Variants in GLI3 observed in about 807,000 individuals in gnomAD.
The protein encoded by GLI3 is transcription activator GLI3.
In GLI3, 20 loss-of-function variants were observed where a neutral mutation model predicts 100.8. The ratio of observed to expected loss-of-function variants is 0.20; its 90% CI spans 0.14 to 0.29. The LOEUF (loss-of-function observed/expected upper bound fraction) is 0.29, where lower values mean the gene tolerates loss of function less well. Ranked by LOEUF, GLI3 falls within the 10% of genes least tolerant of loss-of-function variation. The pLI is 1.00. For synonymous variants in GLI3, 938 were observed against 860.5 expected, an observed-to-expected ratio of 1.09 and a Z score of -1.58; for missense variants, 2,040 against 2,128.5, an observed-to-expected ratio of 0.96 and a Z score of 0.82.
chr7:42,035,474 G>A (rs942206552), intron 7 of GLI3, among the ~76,000 whole-genome samples: 1 of 152,176 alleles, frequency 6.6e-6, no homozygotes, highest in Non-Finnish European at 1.5e-5. Flanking sequence ...TGTGACGCTG[G>A]AGATCTTGGC....
rs1045631679 is a variant in GLI3, at chr7:41,967,817, C to T, written c.2210G>A (p.Ser737Asn). Residue 737 changes from serine to asparagine, a missense_variant, in exon 14 of 15, where the codon AGT becomes AAT. Physicochemically the swap from Ser to Asn is conservative, Grantham distance 46 (BLOSUM62 1). Coordinates refer to ENST00000395925, the MANE Select transcript of GLI3 (RefSeq NM_000168.6). ...GLELPLTDGGSIGDLSAIDET... is the reference protein window; with the variant it reads ...GLELPLTDGGNIGDLSAIDET... Reference sequence around the variant, plus strand: ...ATCGATGGCACTGAGGTCTCCTATACTACCTCCATCGGTCAGAGGAAGCTC... The same window carrying T: ...ATCGATGGCACTGAGGTCTCCTATATTACCTCCATCGGTCAGAGGAAGCTC... The T allele has an allele frequency of 2.5e-6, 4 of 1,613,952 alleles. No individual in the cohort carries two copies. The African/African-American group carries it at 5.3e-5, about 22-fold the overall frequency.
intron 6 of GLI3, 38 bp from the exon 7 acceptor site, chr7:42,040,277 T>C (rs375063028): frequency 1.1e-4 from 147 of 1,397,900 alleles, no homozygotes; most frequent in Non-Finnish European, 1.4e-4. Context: ...TTACCTGCAG[T>C]TGGACTCTAT....
At chr7:42,080,190 A>G (rs1463830630) in intron 3 of GLI3, among the ~76,000 whole-genome samples, 1 of 152,200 alleles carries the variant, frequency 6.6e-6, no homozygotes, top group Non-Finnish European at 1.5e-5. Context: ...GCACTGCAAC[A>G]ATAAATTTGA....
chr7:42,010,449 G>T (rs1788582472), intron 10 of GLI3, among the ~76,000 whole-genome samples: 1 of 152,174 alleles, frequency 6.6e-6, no homozygotes, highest in Admixed American at 6.5e-5. Context: ...ATAGACAGAT[G>T]CCTCTTCTGG....
chr7:42,182,707 C>CATGTGTGT (rs1787639933), intron 2 of GLI3, among the ~76,000 whole-genome samples: 2 of 84,232 alleles, frequency 2.4e-5, no homozygotes, highest in Admixed American at 1.3e-4. Context: ...TATATATACA[C>CATGTGTGT]ACATATAAAT....
intron 3 of GLI3, among the ~76,000 whole-genome samples, chr7:42,138,634 T>C (rs954720939): frequency 2.6e-5 from 4 of 152,300 alleles, no homozygotes; most frequent in African/African-American, 9.6e-5. Flanking sequence ...GGAAAGGAAA[T>C]GTGAAATCTT....
chr7:42,118,290 A>T, intron 3 of GLI3: 1 of 398,724 alleles, frequency 2.5e-6, no homozygotes, highest in East Asian at 3.6e-5. Context: ...CTATGGACTA[A>T]GCAGTTTTTA....
chr7:42,050,583 C>T (rs1784334089), intron 4 of GLI3, among the ~76,000 whole-genome samples: 1 of 152,190 alleles, frequency 6.6e-6, no homozygotes, highest in Admixed American at 6.5e-5. Flanking sequence ...ACAAGCAATC[C>T]TTCCAATCTG....
intron 1 of GLI3, among the ~76,000 whole-genome samples, chr7:42,243,039 G>T (rs1192407596): frequency 6.6e-6 from 1 of 152,166 alleles, no homozygotes; most frequent in Non-Finnish European, 1.5e-5. Flanking sequence ...TGAGATCAGA[G>T]GGAGAGGTTA....
chr7:42,208,082 C>G (rs1347507044), intron 2 of GLI3, among the ~76,000 whole-genome samples: 2 of 152,202 alleles, frequency 1.3e-5, no homozygotes, highest in African/African-American at 4.8e-5. Flanking sequence ...TCACTTGAAC[C>G]TGGGAGGCAG....
At chr7:42,113,771 G>A (rs1334788502) in intron 3 of GLI3, among the ~76,000 whole-genome samples, 1 of 152,188 alleles carries the variant, frequency 6.6e-6, no homozygotes, top group Non-Finnish European at 1.5e-5. Flanking sequence ...GTTTTTGGAG[G>A]ACAGGATATA....
At chr7:42,042,358 T>C (rs1015080432) in intron 6 of GLI3, among the ~76,000 whole-genome samples, 2 of 152,194 alleles carry the variant, frequency 1.3e-5, no homozygotes, top group Non-Finnish European at 2.9e-5. Context: ...ACTTTTATAA[T>C]GGCATCTGCC....
chr7:42,103,115 G>T (rs1054888340), intron 3 of GLI3, among the ~76,000 whole-genome samples: 5 of 136,360 alleles, frequency 3.7e-5, no homozygotes, highest in African/African-American at 1.4e-4. Flanking sequence ...AGGCCTGACT[G>T]GGGGAGAGTA....
At chr7:42,191,060 C>A (rs1253819934) in intron 2 of GLI3, among the ~76,000 whole-genome samples, 2 of 151,892 alleles carry the variant, frequency 1.3e-5, no homozygotes, top group East Asian at 3.8e-4. Flanking sequence ...TAGTTATGGT[C>A]ATTATTAATC....
intron 2 of GLI3, chr7:42,151,911 A>G (rs1292419574): frequency 6.6e-6 from 1 of 152,112 alleles, no homozygotes; most frequent in Non-Finnish European, 1.5e-5. Flanking sequence ...AAAAAAAAAA[A>G]AGTGGGGTCC....
At position 41,965,673 on chromosome 7, in the gene GLI3, G is replaced by A; in HGVS notation, c.3400C>T (p.Leu1134=). 2 of 1,613,186 alleles carry A rather than the reference G, an allele frequency of 1.2e-6. No individual in the cohort carries two copies. Among genetic ancestry groups the A allele is most frequent in the Non-Finnish European group, 1.7e-6 (2 of 1,179,462 alleles). The change falls in exon 15 of 15, where the codon CTG becomes TTG. Residue 1134 remains leucine (L), a synonymous_variant. Coordinates refer to ENST00000395925, the MANE Select transcript of GLI3 (RefSeq NM_000168.6). ...HGPGDFDAPG[L]PDSHAGQQFH... ...TGCTGGCCAGCGTGGCTGTCTGGCA[G>A]CCCGGGCGCGTCAAAGTCACCGGGC...
chr7:42,070,581 T>C lies in GLI3; in HGVS notation c.473+6171A>G, dbSNP rs541544215. 4.2e-4 allele frequency among the ~76,000 whole-genome samples: 64 copies of C among 152,350 alleles called. 1 individual carries two copies. In the South Asian group the frequency reaches 0.013, roughly 31 times the overall value. ...TTCCATGTCTTTAAAATGAGACTAA[T>C]AACTCCAGCATAGAGTTGTTATAAA... On this transcript the variant is annotated intron_variant, in intron 4 of 14. Transcript: ENST00000395925.
intron 10 of GLI3, among the ~76,000 whole-genome samples, chr7:41,990,079 T>C (rs1787940631): frequency 1.3e-5 from 2 of 150,506 alleles, no homozygotes; most frequent in African/African-American, 4.9e-5. Flanking sequence ...ATATTTATAA[T>C]AGTACATTTG....
At chr7:42,034,359 C>T (rs1013062477) in intron 7 of GLI3, among the ~76,000 whole-genome samples, 1 of 152,130 alleles carries the variant, frequency 6.6e-6, no homozygotes, top group Non-Finnish European at 1.5e-5. Context: ...GTCTGCTAAC[C>T]TCTCTTAACA....
Sources: gnomAD v4.1 joint callset for allele counts (sites outside exome capture counted in the v4.1 genomes callset) on GRCh38, gnomAD v4.1.1 for gene constraint, MANE v1.5 for transcripts, NCBI Gene and HGNC (gene_info 2026-07-23, HGNC 2026-07-21) for gene names.